MACROD2: variants seen among roughly 807,000 people sequenced by gnomAD.
MACROD2 encodes the protein mono-ADP ribosylhydrolase 2, also known as ADP-ribose glycohydrolase MACROD2.
In MACROD2, 36 loss-of-function variants were observed where a neutral mutation model predicts 70.4. The ratio of observed to expected loss-of-function variants is 0.51; its 90% CI spans 0.39 to 0.68. The LOEUF is 0.68. MACROD2 is among the 30% of genes least tolerant of loss of function. The probability of loss-of-function intolerance (pLI) is 0.00; values close to 1 mark genes in which losing one functional copy is unlikely to be tolerated. For synonymous variants in MACROD2, 172 were observed against 178.8 expected (o/e 0.96, Z 0.30); for missense variants, 496 against 538.4 (o/e 0.92, Z 0.78).
intron 6 of MACROD2, among the ~76,000 whole-genome samples, chr20:15,407,798 G>T (rs999132849): frequency 3.3e-5 from 5 of 152,156 alleles, no homozygotes; most frequent in Non-Finnish European, 7.4e-5. Flanking sequence ...TGCTCAATAA[G>T]GTCAGGTGTA....
chr20:14,954,530 TTA>T (rs1253455614), intron 5 of MACROD2, among the ~76,000 whole-genome samples: 1 of 139,418 alleles, frequency 7.2e-6, no homozygotes, highest in African/African-American at 2.6e-5. Context: ...TATTATATAA[TTA>T]TATATAATAT....
chr20:14,306,629 T>C (rs1027775132), intron 3 of MACROD2, among the ~76,000 whole-genome samples: 1 of 152,106 alleles, frequency 6.6e-6, no homozygotes, highest in African/African-American at 2.4e-5. Context: ...AGCCAGCACC[T>C]CATTCTCAAA....
At chr20:15,713,289 T>C (rs2050655376) in intron 8 of MACROD2, among the ~76,000 whole-genome samples, 1 of 152,218 alleles carries the variant, frequency 6.6e-6, no homozygotes, top group Non-Finnish European at 1.5e-5. Flanking sequence ...GCTCTGGTTC[T>C]CAGTACTTAT....
chr20:15,128,886 A>C (rs1342768472), intron 5 of MACROD2, among the ~76,000 whole-genome samples: 1 of 151,842 alleles, frequency 6.6e-6, no homozygotes, highest in Non-Finnish European at 1.5e-5. Context: ...TGTCATTGAA[A>C]AGTGCTTAAT....
rs184496825 is a variant in MACROD2 at position 15,978,708 on chromosome 20, A to C, written c.986-8019A>C. On this transcript the variant is annotated intron_variant, in intron 13 of 17. Coordinates refer to ENST00000684519, the MANE Select transcript of MACROD2 (RefSeq NM_001351661.2). ...TTTCAAAAGTGGAAAGGTCTTGATC[A>C]AGTTCAAATTTTAAAAGGCCTTTCT... 3.4e-3 allele frequency among the ~76,000 whole-genome samples: 513 copies of C among 152,270 alleles called. 2 individuals carry two copies. The highest frequency in any genetic ancestry group is 5.9e-3 in the Admixed American group (90 of 15,300).
chr20:15,336,172 A>G (rs1403329587), intron 6 of MACROD2, among the ~76,000 whole-genome samples: 1 of 151,622 alleles, frequency 6.6e-6, no homozygotes, highest in Non-Finnish European at 1.5e-5. Flanking sequence ...TTAATCTCAA[A>G]CACAGAGTTT....
intron 5 of MACROD2, among the ~76,000 whole-genome samples, chr20:14,836,429 G>A (rs1297008947): frequency 6.6e-6 from 1 of 152,034 alleles, no homozygotes; most frequent in East Asian, 1.9e-4. Flanking sequence ...TGCTGGGAAT[G>A]GACCTGCTGG....
At chr20:15,079,608 C>T (rs1483252503) in intron 5 of MACROD2, among the ~76,000 whole-genome samples, 1 of 152,100 alleles carries the variant, frequency 6.6e-6, no homozygotes, top group Admixed American at 6.6e-5. Flanking sequence ...ACCTCCCTGG[C>T]ATGGAGTTCA....
At chr20:14,251,720 A>G (rs1203912145) in intron 3 of MACROD2, among the ~76,000 whole-genome samples, 2 of 152,126 alleles carry the variant, frequency 1.3e-5, no homozygotes, top group Admixed American at 6.6e-5. Flanking sequence ...GGTGCTTTCA[A>G]ATATCTTCAC....
chr20:14,991,666 T>C (rs2074905076), intron 5 of MACROD2, among the ~76,000 whole-genome samples: 1 of 152,190 alleles, frequency 6.6e-6, no homozygotes, highest in African/African-American at 2.4e-5. Context: ...TGAGGGAGAC[T>C]ACAGATCAAA....
intron 2 of MACROD2, 140 bp downstream of exon 2, chr20:14,002,544 T>C (rs975975206): frequency 6.9e-6 from 4 of 575,752 alleles, no homozygotes; most frequent in Non-Finnish European, 1.2e-5. Flanking sequence ...TTTAATTGTT[T>C]TTAGTAACCT....
intron 5 of MACROD2, among the ~76,000 whole-genome samples, chr20:15,078,276 A>G (rs554868300): frequency 6.5e-4 from 99 of 152,230 alleles, no homozygotes; most frequent in African/African-American, 2.4e-3. Context: ...TTGTATTCTG[A>G]GTTTTTGCTC....
intron 4 of MACROD2, among the ~76,000 whole-genome samples, chr20:14,518,144 T>A (rs973510347): frequency 6.6e-6 from 1 of 152,142 alleles, no homozygotes; most frequent in African/African-American, 2.4e-5. Context: ...ACCTCCATTA[T>A]GAAATTAATT....
intron 8 of MACROD2, among the ~76,000 whole-genome samples, chr20:15,848,194 A>T (rs1227866867): frequency 5.9e-5 from 9 of 151,516 alleles, no homozygotes; most frequent in Non-Finnish European, 8.8e-5. Context: ...TGTATCAATC[A>T]CTCTCTCTCT....
chr20:14,762,718 C>A (rs2123755872), intron 5 of MACROD2, among the ~76,000 whole-genome samples: 1 of 152,030 alleles, frequency 6.6e-6, no homozygotes, highest in Middle Eastern at 3.4e-3. Context: ...TTGCTTGAGG[C>A]CAGGAGTTTG....
At chr20:15,317,523 A>G (rs6135384) in intron 6 of MACROD2, among the ~76,000 whole-genome samples, 1,586 of 149,370 alleles carry the variant, frequency 0.011, 5 homozygotes, top group Middle Eastern at 0.024. Flanking sequence ...CTATCTATCT[A>G]TCTGTCTATC....
intron 6 of MACROD2, among the ~76,000 whole-genome samples, chr20:15,277,590 C>G (rs1470557340): frequency 1.3e-5 from 2 of 152,158 alleles, no homozygotes; most frequent in African/African-American, 4.8e-5. Flanking sequence ...GGCCTGAGAT[C>G]CTGCATTTCT....
At chr20:14,512,530 A>C (rs2085042519) in intron 4 of MACROD2, among the ~76,000 whole-genome samples, 1 of 152,132 alleles carries the variant, frequency 6.6e-6, no homozygotes, top group Non-Finnish European at 1.5e-5. Context: ...TTGCTTACTC[A>C]TTTGGAAATG....
rs1568825016 is a variant in MACROD2, at chr20:15,460,991, TA to T, written c.571+29557del. On this transcript the variant is annotated intron_variant, in intron 7 of 17. Transcript: ENST00000684519. ...CTCTCTCTCTCCATATATATATATA[TA>T]TATATATATATATATTTTTTTTTAA... 5.0e-4 allele frequency among the ~76,000 whole-genome samples: 40 copies of T among 80,520 alleles called. 3 individuals are homozygous for T. The South Asian group carries it at 7.3e-3, about 15-fold the overall frequency. The allele number at this position is 80,520 out of a possible 152,430, so 52.8% of individuals were successfully genotyped here.
Sources: gnomAD v4.1 joint callset for allele counts (sites outside exome capture counted in the v4.1 genomes callset) on GRCh38, gnomAD v4.1.1 for gene constraint, MANE v1.5 for transcripts, NCBI Gene and HGNC (gene_info 2026-07-23, HGNC 2026-07-21) for gene names.